The following TRPM8 variants were observed in gnomAD, a reference collection of about 807,000 sequenced individuals.
The protein encoded by TRPM8 is transient receptor potential cation channel subfamily M member 8.
Under a neutral mutation model 133.7 loss-of-function variants are expected in TRPM8, and 110 were observed. That is an observed-to-expected ratio of 0.82 (90% CI 0.70 to 0.96). The LOEUF is 0.96. Among genes scored for constraint, TRPM8 ranks in the 40% least tolerant of loss-of-function variants. The pLI, the probability that TRPM8 is intolerant of heterozygous loss-of-function variation, is 0.00. For missense variants in TRPM8, 1,291 were observed against 1,379.5 expected (o/e 0.94, Z 1.02); for synonymous variants, 535 against 532.3 (o/e 1.01, Z -0.07).
chr2:233,940,958 C>G (rs1690891422), intron 5 of TRPM8, among the ~76,000 whole-genome samples: 1 of 152,128 alleles, frequency 6.6e-6, no homozygotes, highest in South Asian at 2.1e-4. Context: ...CATGGCTCGT[C>G]ATAGGACACC....
At chr2:233,919,488 A>G (rs1691367659) in intron 1 of TRPM8, among the ~76,000 whole-genome samples, 1 of 152,102 alleles carries the variant, frequency 6.6e-6, no homozygotes, top group Non-Finnish European at 1.5e-5. Context: ...TGAATTCTGC[A>G]TCCTCTACTT....
Position 233,993,473 on chromosome 2 carries a change from G to C in TRPM8, c.2940-2853G>C, listed in dbSNP as rs115053413. On this transcript the variant is annotated intron_variant, in intron 21 of 25. Coordinates refer to ENST00000324695, the MANE Select transcript of TRPM8 (RefSeq NM_024080.5). ...TCTGTAAGGGCCAGCTAGGGTCATT[G>C]GTCAGATGTGTCAAAAGAAGCAGTA... Among the ~76,000 whole-genome samples, 1,138 of 152,268 alleles carry C rather than the reference G, an allele frequency of 7.5e-3. 12 individuals carry two copies. The highest frequency in any genetic ancestry group is 0.026 in the African/African-American group (1,086 of 41,538).
intron 22 of TRPM8, among the ~76,000 whole-genome samples, chr2:233,999,207 C>T (rs780579930): frequency 6.6e-6 from 1 of 152,076 alleles, no homozygotes; most frequent in African/African-American, 2.4e-5. Flanking sequence ...TTCCTTGAAG[C>T]ATCCAGTGAT....
Position 233,970,284 on chromosome 2 carries a change from TCTC to T in TRPM8, c.2216_2218del (p.Ser739del). On this transcript the variant is annotated inframe_deletion, in exon 17 of 26. Transcript: ENST00000324695. Reference sequence around the variant, plus strand: ...TTCTTCACCTCCCCCTTCGTGGTCTTCTCCTGGAATGTGGTCTTCTACATCGCC... The same window carrying T: ...TTCTTCACCTCCCCCTTCGTGGTCTTCTGGAATGTGGTCTTCTACATCGCC... The T allele has an allele frequency of 6.2e-7, 1 of 1,614,182 alleles. No individual in the cohort carries two copies. Among genetic ancestry groups the T allele is most frequent in the South Asian group, 1.1e-5 (1 of 91,076 alleles).
intron 13 of TRPM8, 100 bp downstream of exon 13, chr2:233,963,477 A>G: frequency 1.5e-6 from 1 of 675,514 alleles, no homozygotes. Flanking sequence ...AAACATCATC[A>G]GTGAAATGGG....
intron 17 of TRPM8, among the ~76,000 whole-genome samples, chr2:233,971,504 T>C (rs1691717872): frequency 6.6e-6 from 1 of 152,134 alleles, no homozygotes; most frequent in South Asian, 2.1e-4. Context: ...CTAGTAGGTC[T>C]GAGGTGCAGA....
intron 17 of TRPM8, among the ~76,000 whole-genome samples, chr2:233,970,982 CAT>C (rs1330123963): frequency 3.3e-5 from 5 of 152,106 alleles, no homozygotes; most frequent in Admixed American, 1.3e-4. Flanking sequence ...GCTCAGGACT[CAT>C]GTGTAGCAGG....
At chr2:233,956,270 A>G (rs76058297) in intron 11 of TRPM8, among the ~76,000 whole-genome samples, 1 of 152,172 alleles carries the variant, frequency 6.6e-6, no homozygotes, top group African/African-American at 2.4e-5. Flanking sequence ...GAAACTCAGG[A>G]CTTCCCCTAG....
intron 17 of TRPM8, among the ~76,000 whole-genome samples, chr2:233,972,102 C>T (rs941124640): frequency 6.6e-6 from 1 of 152,206 alleles, no homozygotes; most frequent in African/African-American, 2.4e-5. Context: ...CATTCACAAA[C>T]CCTGAGCTAG....
At chr2:233,949,909 C>A (rs752358572) in intron 8 of TRPM8, 40 bp from the exon 9 acceptor site, 2 of 1,598,146 alleles carry the variant, frequency 1.3e-6, no homozygotes, top group Non-Finnish European at 8.6e-7. Flanking sequence ...TTCTGTGGAC[C>A]AAGGTCTCTG....
chr2:233,931,561 C>T (rs1353243839), intron 3 of TRPM8, among the ~76,000 whole-genome samples: 1 of 152,224 alleles, frequency 6.6e-6, no homozygotes, highest in Non-Finnish European at 1.5e-5. Flanking sequence ...TGACTCCTCA[C>T]TGTGTGGCCT....
At chr2:233,963,175 A>T in intron 12 of TRPM8, 107 bp from the exon 13 acceptor site, 1 of 614,216 alleles carries the variant, frequency 1.6e-6, no homozygotes. Flanking sequence ...GAATGGAGTC[A>T]TGCACAAAGC....
intron 22 of TRPM8, among the ~76,000 whole-genome samples, chr2:233,999,287 A>G (rs1181560841): frequency 6.6e-6 from 1 of 151,302 alleles, no homozygotes; most frequent in Admixed American, 6.6e-5. Flanking sequence ...CCGGCTGGCC[A>G]GCAGCAGGGA....
In TRPM8 at chr2:233,964,724, G is replaced by A. The variant is rs1450819755; in HGVS notation, c.1846G>A (p.Glu616Lys). 14 of 1,613,018 alleles carry A rather than the reference G, an allele frequency of 8.7e-6. No homozygotes were observed. The African/African-American group carries it at 1.6e-4, about 18-fold the overall frequency. The stretch of plus-strand genomic sequence containing the variant: ...CATCAATGCTGCTGGGGAGTCCGAG[G>A]AGCTGGCTAATGAGTACGAGACCCG... Reference protein sequence around the residue: ...NDINAAGESEELANEYETRAV... With the variant: ...NDINAAGESEKLANEYETRAV... The change falls in exon 14 of 26, where the codon GAG (glutamate) becomes AAG (lysine). Residue 616 changes from glutamate (E) to lysine (K), a missense_variant. Physicochemically the swap from Glu to Lys is moderately conservative, Grantham distance 56. This residue lies in a region of TRPM8 where 963 missense variants were observed against 968.9 expected (regional missense o/e 0.99). Coordinates refer to ENST00000324695, the MANE Select transcript of TRPM8 (RefSeq NM_024080.5).
At chr2:233,927,699 A>G (rs1691547278) in intron 2 of TRPM8, among the ~76,000 whole-genome samples, 1 of 150,818 alleles carries the variant, frequency 6.6e-6, no homozygotes, top group Non-Finnish European at 1.5e-5. Flanking sequence ...CCTGGAAGAC[A>G]GAGTCTGTCT....
intron 1 of TRPM8, among the ~76,000 whole-genome samples, chr2:233,921,404 A>G (rs1691403420): frequency 6.6e-6 from 1 of 152,078 alleles, no homozygotes; most frequent in Admixed American, 6.6e-5. Context: ...AAGTTAGTTT[A>G]TGGATGCCTT....
chr2:234,012,456 T>G (rs1270471471), intron 24 of TRPM8, among the ~76,000 whole-genome samples: 2 of 145,498 alleles, frequency 1.4e-5, no homozygotes, highest in East Asian at 4.0e-4. Context: ...GTCCTAACAG[T>G]TTTTTTTTGT....
At chr2:233,961,864 A>G (rs946611509) in intron 12 of TRPM8, among the ~76,000 whole-genome samples, 2 of 151,762 alleles carry the variant, frequency 1.3e-5, no homozygotes, top group African/African-American at 4.8e-5. Context: ...TCCTGACCTC[A>G]GGTGATTTGC....
chr2:233,961,237 T>C (rs1373998848), intron 12 of TRPM8, among the ~76,000 whole-genome samples, 171 bp downstream of exon 12: 1 of 152,186 alleles, frequency 6.6e-6, no homozygotes, highest in Non-Finnish European at 1.5e-5. Flanking sequence ...GTCTATAGGG[T>C]GAGTCTCTGC....
Sources: gnomAD v4.1 joint callset for allele counts (sites outside exome capture counted in the v4.1 genomes callset) on GRCh38, gnomAD v4.1.1 for gene constraint, gnomAD v4.1.1 regional missense constraint, MANE v1.5 for transcripts, NCBI Gene and HGNC (gene_info 2026-07-23, HGNC 2026-07-21) for gene names.